The following PRKCI variants were observed in gnomAD, a reference collection of about 807,000 sequenced individuals.
The protein encoded by PRKCI is protein kinase C iota type.
A neutral mutation model predicts 84.0 loss-of-function variants in PRKCI; 43 were observed. The observed-to-expected ratio is 0.51, with a 90% CI of 0.40 to 0.66. PRKCI has a LOEUF of 0.66. Ranked by LOEUF, PRKCI falls within the 30% of genes least tolerant of loss-of-function variation. The pLI, the probability that PRKCI is intolerant of heterozygous loss-of-function variation, is 0.00. For missense variants in PRKCI, 459 were observed against 745.6 expected (o/e 0.62, Z 4.48); for synonymous variants, 216 against 234.4 (o/e 0.92, Z 0.72).
At chr3:170,232,202 C>T (rs1252805861) in intron 1 of PRKCI, among the ~76,000 whole-genome samples, 21 of 151,966 alleles carry the variant, frequency 1.4e-4, no homozygotes, top group Admixed American at 1.4e-3. Flanking sequence ...AGGCACACAC[C>T]ACTATGTCTG....
intron 11 of PRKCI, 43 bp downstream of exon 11, chr3:170,282,011 CATGTGGCTTTTT>C (rs1734261245): frequency 1.3e-6 from 2 of 1,591,296 alleles, no homozygotes; most frequent in African/African-American, 2.7e-5. Context: ...TTTTTGGGGC[CATGTGGCTTTTT>C]ATGTGCAGTG....
chr3:170,231,689 G>A (rs922587921), intron 1 of PRKCI, among the ~76,000 whole-genome samples: 15 of 151,974 alleles, frequency 9.9e-5, no homozygotes, highest in African/African-American at 3.4e-4. Flanking sequence ...GGTCTCGAAC[G>A]CCTGACCTCA....
In PRKCI at chr3:170,253,867, C is replaced by T. The variant is rs1311424576; in HGVS notation, c.224-6102C>T. Among the ~76,000 whole-genome samples, 5 of 151,878 alleles carry T rather than the reference C, an allele frequency of 3.3e-5. No individual in the cohort carries two copies. In the East Asian group the frequency reaches 5.8e-4, roughly 18 times the overall value. On this transcript the variant is annotated intron_variant, in intron 2 of 17. Coordinates refer to ENST00000295797, the MANE Select transcript of PRKCI (RefSeq NM_002740.6). ...ATCCCACCACTTTGGGAGGCCGAGG[C>T]GGGCGGATCACTTGAGGTCAGGAGT...
chr3:170,255,840 G>T (rs923763242), intron 2 of PRKCI, among the ~76,000 whole-genome samples: 2 of 151,780 alleles, frequency 1.3e-5, no homozygotes, highest in African/African-American at 4.8e-5. Flanking sequence ...TCTATCCCCA[G>T]TTTTTTTTGG....
At chr3:170,226,464 A>G (rs116267674) in intron 1 of PRKCI, among the ~76,000 whole-genome samples, 1 of 152,214 alleles carries the variant, frequency 6.6e-6, no homozygotes, top group South Asian at 2.1e-4. Flanking sequence ...CTATTATGGG[A>G]TAGACTTTAA....
chr3:170,233,782 G>T (rs1308286486), intron 1 of PRKCI, among the ~76,000 whole-genome samples: 1 of 151,836 alleles, frequency 6.6e-6, no homozygotes, highest in African/African-American at 2.4e-5. Context: ...GTGCAGTGAC[G>T]CAATCACGGC....
At chr3:170,291,610 T>C (rs553629334) in intron 12 of PRKCI, 3 of 364,372 alleles carry the variant, frequency 8.2e-6, no homozygotes, top group Non-Finnish European at 1.6e-5. Context: ...GACACAAGAA[T>C]TGCTTGAACC....
At chr3:170,268,053 T>C in intron 5 of PRKCI, 53 bp downstream of exon 5, 1 of 1,419,190 alleles carries the variant, frequency 7.0e-7, no homozygotes, top group Non-Finnish European at 9.8e-7. Flanking sequence ...TTTTTCCCTT[T>C]CTACTATGAA....
chr3:170,289,801 A>G (rs1457068769), intron 12 of PRKCI, among the ~76,000 whole-genome samples: 1 of 152,088 alleles, frequency 6.6e-6, no homozygotes, highest in East Asian at 1.9e-4. Context: ...AATCCCAGCT[A>G]CTTGGGAGGC....
At chr3:170,237,959 C>T (rs1280747667) in intron 2 of PRKCI, among the ~76,000 whole-genome samples, 1 of 152,074 alleles carries the variant, frequency 6.6e-6, no homozygotes, top group Admixed American at 6.6e-5. Context: ...TCTTTATTAA[C>T]AGTTTTATTA....
intron 3 of PRKCI, among the ~76,000 whole-genome samples, chr3:170,263,113 G>C (rs908004483): frequency 6.6e-6 from 1 of 150,818 alleles, no homozygotes; most frequent in African/African-American, 2.4e-5. Flanking sequence ...AGCTTGCAGT[G>C]AGTCGAGATC....
At chr3:170,242,012 G>A (rs1421198862) in intron 2 of PRKCI, among the ~76,000 whole-genome samples, 2 of 152,198 alleles carry the variant, frequency 1.3e-5, no homozygotes, top group African/African-American at 2.4e-5. Context: ...GGGAGGCTAA[G>A]GTAGGAGAAT....
At chr3:170,252,751 T>G (rs1194388290) in intron 2 of PRKCI, among the ~76,000 whole-genome samples, 1 of 152,038 alleles carries the variant, frequency 6.6e-6, no homozygotes, top group Non-Finnish European at 1.5e-5. Context: ...CCACCATTCC[T>G]GGCTGTTTTT....
At position 170,273,358 on chromosome 3, in the gene PRKCI, A is replaced by G. The variant is rs748672673; in HGVS notation, c.646+18A>G. 6.2e-7 allele frequency: 1 copy of G among 1,610,414 alleles called. No individual in the cohort carries two copies. On this transcript the variant is annotated intron_variant, in intron 7 of 17. Coordinates refer to ENST00000295797, the MANE Select transcript of PRKCI (RefSeq NM_002740.6). ...ACAGACAGGTAAGAGTGGTGCTGGC[A>G]CAACCCATTGTTCATTCACAGAGTA... is the stretch of plus-strand genomic sequence containing the variant.
rs75266191 is a variant in PRKCI, at chr3:170,270,576, C to CTTTTT, written c.591+31_591+35dup. ...CTTTGCCACAGGTAAGATGTCTGTC[C>CTTTTT]TTTTTTTTTTTTTTTTTTTTAAGAG... is the stretch of plus-strand genomic sequence containing the variant. On this transcript the variant is annotated intron_variant, in intron 6 of 17. Coordinates refer to ENST00000295797, the MANE Select transcript of PRKCI (RefSeq NM_002740.6). The CTTTTT allele has an allele frequency of 2.7e-3, 3,663 of 1,362,362 alleles. 43 individuals are homozygous for CTTTTT. In the African/African-American group the frequency reaches 0.044, roughly 16 times the overall value. 84.4% of individuals were successfully genotyped at this position (1,362,362 alleles called of 1,614,324 possible).
chr3:170,262,832 C>CTTTCT (rs1733762594), intron 3 of PRKCI, among the ~76,000 whole-genome samples: 1 of 133,024 alleles, frequency 7.5e-6, no homozygotes. Flanking sequence ...TTCTTTCTTT[C>CTTTCT]TTTTTTTTTT....
intron 2 of PRKCI, among the ~76,000 whole-genome samples, chr3:170,243,813 A>G (rs1287044632): frequency 6.6e-6 from 1 of 152,208 alleles, no homozygotes; most frequent in Non-Finnish European, 1.5e-5. Flanking sequence ...TACTTCTCTT[A>G]GTTCTGGCCT....
intron 12 of PRKCI, 87 bp downstream of exon 12, chr3:170,284,683 G>A: frequency 7.2e-7 from 1 of 1,398,488 alleles, no homozygotes; most frequent in Non-Finnish European, 9.7e-7. Context: ...ATGAGGAAAT[G>A]ATTACTAATT....
At chr3:170,292,748 T>C (rs943971366) in intron 13 of PRKCI, among the ~76,000 whole-genome samples, 1 of 145,678 alleles carries the variant, frequency 6.9e-6, no homozygotes, top group Non-Finnish European at 1.5e-5. Context: ...CCTCCAGCAG[T>C]TGCCAACATA....
Sources: gnomAD v4.1 joint callset for allele counts (sites outside exome capture counted in the v4.1 genomes callset) on GRCh38, gnomAD v4.1.1 for gene constraint, MANE v1.5 for transcripts, NCBI Gene and HGNC (gene_info 2026-07-23, HGNC 2026-07-21) for gene names.